Variants in KBTBD2 observed in about 807,000 individuals in gnomAD.
The protein encoded by KBTBD2 is kelch repeat and BTB domain containing 2.
In KBTBD2, 17 loss-of-function variants were observed where a neutral mutation model predicts 57.1. The ratio of observed to expected loss-of-function variants is 0.30; its 90% CI spans 0.20 to 0.45. The LOEUF is 0.45. Among genes scored for constraint, KBTBD2 ranks in the 20% least tolerant of loss-of-function variants. KBTBD2 has a pLI of 1.00. For synonymous variants in KBTBD2, 267 were observed against 262.7 expected (o/e 1.02, Z -0.16); for missense variants, 515 against 750.6 (o/e 0.69, Z 3.67).
In KBTBD2 at chr7:32,870,861, C is replaced by T. The variant is rs139007684; in HGVS notation, c.356G>A (p.Arg119His). 4.1e-4 allele frequency: 638 copies of T among 1,570,894 alleles called. No individual in the cohort carries two copies. Among genetic ancestry groups the T allele is most frequent in the Non-Finnish European group, 4.7e-4 (542 of 1,164,432 alleles). The change falls in exon 4 of 4, where the codon CGT becomes CAT. Residue 119 changes from arginine to histidine, a missense_variant. Arg to His is a conservative substitution (Grantham distance 29, BLOSUM62 0). Transcript: ENST00000304056. Reference sequence around the variant, plus strand: ...TTTTTTAATTAAATATTCTCGACAACGTTGTAACACATCTTCTACCTAGAA... The same window carrying T: ...TTTTTTAATTAAATATTCTCGACAATGTTGTAACACATCTTCTACCTAGAA... ...CFLQVEDVLQ[R>H]CREYLIKKIN...
At chr7:32,872,496 A>G (rs181944021) in intron 3 of KBTBD2, among the ~76,000 whole-genome samples, 66 of 152,250 alleles carry the variant, frequency 4.3e-4, no homozygotes, top group African/African-American at 1.4e-3. Flanking sequence ...CCTGGGCAAC[A>G]TAAGATCTTG....
intron 1 of KBTBD2, among the ~76,000 whole-genome samples, chr7:32,888,207 A>G (rs2127957914): frequency 6.6e-6 from 1 of 152,186 alleles, no homozygotes; most frequent in East Asian, 1.9e-4. Context: ...TATTAAGATA[A>G]TTTTTCCTTT....
chr7:32,889,401 G>C (rs1784672506), intron 1 of KBTBD2, among the ~76,000 whole-genome samples: 1 of 152,088 alleles, frequency 6.6e-6, no homozygotes, highest in Non-Finnish European at 1.5e-5. Context: ...AGGAGCTCGA[G>C]ACCAGCCTGA....
At chr7:32,880,588 C>T (rs375372306) in intron 1 of KBTBD2, among the ~76,000 whole-genome samples, 10 of 151,136 alleles carry the variant, frequency 6.6e-5, no homozygotes, top group African/African-American at 2.2e-4. Context: ...GTATATGTTC[C>T]TACCCAGAAA....
At position 32,869,400 on chromosome 7, in the gene KBTBD2, T is replaced by C. The variant is rs752204464; in HGVS notation, c.1817A>G (p.Asp606Gly). The change falls in exon 4 of 4, where the codon GAT (aspartate) becomes GGT (glycine). Residue 606 changes from aspartate (D) to glycine (G), a missense_variant. Physicochemically the swap from Asp to Gly is moderately conservative, Grantham distance 94 (BLOSUM62 -1). Transcript: ENST00000304056. ...WKPPTYLFST[D>G]GTEEFELDGE... ...ATCCAGTTCAAACTCTTCTGTCCCA[T>C]CCGTTGAAAAAAGATAAGTTGGTGG... 4 of 1,614,058 alleles carry C rather than the reference T, an allele frequency of 2.5e-6. No individual in the cohort carries two copies. The South Asian group carries it at 3.3e-5, about 13-fold the overall frequency.
chr7:32,885,908 A>ATT (rs1562537979), intron 1 of KBTBD2, among the ~76,000 whole-genome samples: 1 of 40,600 alleles, frequency 2.5e-5, no homozygotes, highest in South Asian at 1.4e-3. Flanking sequence ...CTGTCTACAC[A>ATT]CTTTTTTTTT....
intron 1 of KBTBD2, among the ~76,000 whole-genome samples, chr7:32,888,578 A>C (rs1562539106): frequency 6.6e-6 from 1 of 152,110 alleles, no homozygotes; most frequent in South Asian, 2.1e-4. Context: ...AAACCAAAAA[A>C]ACAAACACCT....
chr7:32,870,640 T>C lies in KBTBD2; in HGVS notation c.577A>G (p.Thr193Ala). 2 of 1,614,054 alleles carry C rather than the reference T, an allele frequency of 1.2e-6. No individual in the cohort carries two copies. Among genetic ancestry groups the C allele is most frequent in the Non-Finnish European group, 1.7e-6 (2 of 1,180,016 alleles). ...SDNLNVEKEE[T>A]VREAAMLWLE... ...CACAGCATAGCAGCTTCTCGAACGG[T>C]TTCTTCCTTTTCTACATTTAAATTG... Residue 193 changes from threonine to alanine, a missense_variant, in exon 4 of 4, where the codon ACC becomes GCC. Thr to Ala is a moderately conservative substitution (Grantham distance 58). Coordinates refer to ENST00000304056, the MANE Select transcript of KBTBD2 (RefSeq NM_015483.3).
chr7:32,888,171 T>C (rs1784628637), intron 1 of KBTBD2, among the ~76,000 whole-genome samples: 1 of 152,248 alleles, frequency 6.6e-6, no homozygotes, highest in South Asian at 2.1e-4. Flanking sequence ...ATTTGACACT[T>C]GAAATCTGAA....
rs761580460 is a variant in KBTBD2, at chr7:32,870,513, T to A, written c.704A>T (p.Gln235Leu). The change falls in exon 4 of 4, where the codon CAA becomes CTA. Residue 235 changes from glutamine (Q) to leucine (L), a missense_variant. Gln to Leu is a moderately radical substitution (Grantham distance 113). Coordinates refer to ENST00000304056, the MANE Select transcript of KBTBD2 (RefSeq NM_015483.3). ...LSEVTQRAWFQGLPPNDKSVV... is the reference protein window; with the variant it reads ...LSEVTQRAWFLGLPPNDKSVV... ...TGACTTATCATTGGGTGGCAGACCTTGAAACCAAGCTCTCTGTGTTACTTC... is the reference window on the plus strand; with the variant it reads ...TGACTTATCATTGGGTGGCAGACCTAGAAACCAAGCTCTCTGTGTTACTTC... 3.1e-6 allele frequency: 5 copies of A among 1,614,052 alleles called. No homozygotes were observed. Among genetic ancestry groups the A allele is most frequent in the Non-Finnish European group, 8.5e-7 (1 of 1,180,026 alleles).
chr7:32,888,208 T>C (rs1234238456), intron 1 of KBTBD2, among the ~76,000 whole-genome samples: 2 of 152,136 alleles, frequency 1.3e-5, no homozygotes, highest in Admixed American at 1.3e-4. Flanking sequence ...ATTAAGATAA[T>C]TTTTCCTTTT....
At chr7:32,879,294 G>A (rs1411781531) in intron 2 of KBTBD2, 141 bp downstream of exon 2, 6 of 591,612 alleles carry the variant, frequency 1.0e-5, no homozygotes, top group Non-Finnish European at 2.9e-6. Context: ...TCTTACACAT[G>A]CAAGAATGAG....
At chr7:32,877,078 G>C (rs1195385022) in intron 2 of KBTBD2, among the ~76,000 whole-genome samples, 1 of 152,072 alleles carries the variant, frequency 6.6e-6, no homozygotes, top group Non-Finnish European at 1.5e-5. Flanking sequence ...GAGTGCAGTG[G>C]TGGTATCTCA....
chr7:32,875,155 G>A lies in KBTBD2; in HGVS notation c.173C>T (p.Ala58Val). The A allele has an allele frequency of 6.2e-7, 1 of 1,613,760 alleles. No individual in the cohort carries two copies. The highest frequency in any genetic ancestry group is 8.5e-7 in the Non-Finnish European group (1 of 1,179,790). ...TTCACTTAGTCCACTCATAAACATG[G>A]CCCTACAGGGGAGATGAAGAAAACA... ...VLATCSSYFR[A>V]MFMSGLSESK... is the part of the protein sequence containing the mutation. The change falls in exon 3 of 4, where the codon GCC becomes GTC. Residue 58 changes from alanine (A) to valine (V), a missense_variant and splice_region_variant. By Grantham distance (64) the Ala-to-Val change is moderately conservative. Transcript: ENST00000304056.
At chr7:32,871,605 T>G (rs1253117761) in intron 3 of KBTBD2, among the ~76,000 whole-genome samples, 2 of 152,182 alleles carry the variant, frequency 1.3e-5, no homozygotes, top group Admixed American at 1.3e-4. Context: ...AATTGGCCAA[T>G]TAGTACCTGG....
intron 1 of KBTBD2, among the ~76,000 whole-genome samples, chr7:32,890,329 C>T (rs1489497215): frequency 6.6e-6 from 1 of 152,102 alleles, no homozygotes; most frequent in Non-Finnish European, 1.5e-5. Context: ...AGCAAAATTC[C>T]ACATCATCGA....
intron 2 of KBTBD2, among the ~76,000 whole-genome samples, chr7:32,876,817 C>T (rs577361640): frequency 1.3e-5 from 2 of 152,016 alleles, no homozygotes; most frequent in South Asian, 2.1e-4. Context: ...ATTTGCTGGG[C>T]GTGGTGGCAG....
At position 32,869,690 on chromosome 7, in the gene KBTBD2, C is replaced by A. The variant is rs1490352320; in HGVS notation, c.1527G>T (p.Trp509Cys). ...TAGCAGGGATGTTGGCTGCCATTTTCCACTCATTTTTATTCACATCATAAA... is the reference window on the plus strand; with the variant it reads ...TAGCAGGGATGTTGGCTGCCATTTTACACTCATTTTTATTCACATCATAAA... The part of the protein sequence containing the change: ...VEIYDVNKNE[W>C]KMAANIPAKR... The change falls in exon 4 of 4, where the codon TGG becomes TGT. Residue 509 changes from tryptophan (W) to cysteine (C), a missense_variant. Physicochemically the swap from Trp to Cys is radical, Grantham distance 215. Coordinates refer to ENST00000304056, the MANE Select transcript of KBTBD2 (RefSeq NM_015483.3). The A allele has an allele frequency of 6.2e-7, 1 of 1,613,946 alleles. No homozygotes were observed. The highest frequency in any genetic ancestry group is 1.3e-5 in the African/African-American group (1 of 74,882).
chr7:32,888,842 A>T (rs2127958315), intron 1 of KBTBD2, among the ~76,000 whole-genome samples: 1 of 152,350 alleles, frequency 6.6e-6, no homozygotes, highest in Non-Finnish European at 1.5e-5. Context: ...AATTCAGGTC[A>T]CAAGTACAAG....
Sources: allele counts gnomAD v4.1 joint callset (sites outside exome capture counted in the v4.1 genomes callset), GRCh38; gene constraint gnomAD v4.1.1; transcripts MANE v1.5; gene names NCBI Gene and HGNC (gene_info 2026-07-23, HGNC 2026-07-21).